The following FBH1 variants were observed in gnomAD, a reference collection of about 807,000 sequenced individuals.
FBH1 encodes DNA 3'-5' helicase 1.
In FBH1, 43 loss-of-function variants were observed where a neutral mutation model predicts 115.5. The observed-to-expected ratio is 0.37, with a 90% confidence interval of 0.29 to 0.48. FBH1 has a LOEUF of 0.48. Ranked by LOEUF, FBH1 falls within the 20% of genes least tolerant of loss-of-function variation. FBH1 has a pLI of 0.99. For synonymous variants in FBH1, 524 were observed against 507.8 expected, an observed-to-expected ratio of 1.03 and a Z score of -0.43; for missense variants, 1,001 against 1,337.3, an observed-to-expected ratio of 0.75 and a Z score of 3.92.
Position 5,900,649 on chromosome 10 carries a change from T to C in FBH1, c.2-2371T>C, listed in dbSNP as rs559939541. On this transcript the variant is annotated intron_variant, in intron 1 of 20. Transcript: ENST00000362091. This position sits in a 1 kb window ranked among gnomAD's most constrained non-coding sequence, Gnocchi z 4.2. ...GAAAAGTCTTAAAATATTCATGAAG[T>C]TTTTTTTTAAAAAAGCTGGTATTAA... Among the ~76,000 whole-genome samples, 5 of 151,034 alleles carry C rather than the reference T, an allele frequency of 3.3e-5. No individual in the cohort carries two copies. The East Asian group carries it at 9.9e-4, about 30-fold the overall frequency.
In FBH1 at chr10:5,909,162, C is replaced by T. The variant is rs199983854; in HGVS notation, c.888C>T (p.Tyr296=). 4.6e-4 allele frequency: 748 copies of T among 1,613,506 alleles called. 1 individual carries two copies. Among genetic ancestry groups the T allele is most frequent in the Non-Finnish European group, 5.7e-4 (669 of 1,179,954 alleles). ...CTCTCCTGTGAATGTCTTACAGATA[C>T]ACAGCCACCACTAAGTGCTCTCCGA... ...SDLCVLNLIR[Y]TATTKCSPSV... is the part of the protein sequence containing the mutation. The change falls in exon 5 of 21, where the codon TAC becomes TAT. Residue 296 remains tyrosine (Y), a synonymous_variant. Coordinates refer to ENST00000362091, the MANE Select transcript of FBH1 (RefSeq NM_178150.3). The surrounding 1 kb of genome is among the most constrained non-coding windows in gnomAD (Gnocchi z 4.4).
Position 5,895,304 on chromosome 10 carries a change from C to T in FBH1, c.1+4958C>T. 1 of 1,131,266 alleles carries T rather than the reference C, an allele frequency of 8.8e-7. No homozygotes were observed. Among genetic ancestry groups the T allele is most frequent in the Non-Finnish European group, 1.2e-6 (1 of 831,980 alleles). The allele number at this position is 1,131,266 out of a possible 1,614,324, so 70.1% of individuals were successfully genotyped here. The stretch of plus-strand genomic sequence containing the variant: ...GTTGGGTATGGTATTGTAGCAGTTT[C>T]TCCAGTCAGGTACCTTGTACTAGCG... On this transcript the variant is annotated intron_variant, in intron 1 of 20. Coordinates refer to ENST00000362091, the MANE Select transcript of FBH1 (RefSeq NM_178150.3). This position sits in a 1 kb window ranked among gnomAD's most constrained non-coding sequence, Gnocchi z 5.0.
intron 3 of FBH1, among the ~76,000 whole-genome samples, 159 bp from the exon 4 acceptor site, chr10:5,908,766 C>T (rs907329716): frequency 9.2e-5 from 14 of 152,088 alleles, no homozygotes; most frequent in Non-Finnish European, 1.5e-4. Flanking sequence ...GCCATCATGC[C>T]TGGCTAATTT....
intron 18 of FBH1, 23 bp from the exon 19 acceptor site, chr10:5,927,412 T>C: frequency 6.4e-7 from 1 of 1,566,692 alleles, no homozygotes; most frequent in Non-Finnish European, 8.7e-7. Context: ...TTAGTTGATT[T>C]TTTTCCCCTT....
Position 5,900,166 on chromosome 10 carries a change from A to G in FBH1, c.2-2854A>G, listed in dbSNP as rs1243665237. 6.6e-6 allele frequency among the ~76,000 whole-genome samples: 1 copy of G among 152,194 alleles called. No homozygotes were observed. Among genetic ancestry groups the G allele is most frequent in the Non-Finnish European group, 1.5e-5 (1 of 68,026 alleles). ...CTTTGCCATTAGGTGGCATCTTTAT[A>G]ATTTGAAGGATATTTCAATGTCTTA... On this transcript the variant is annotated intron_variant, in intron 1 of 20. Transcript: ENST00000362091. This position sits in a 1 kb window ranked among gnomAD's most constrained non-coding sequence, Gnocchi z 4.2.
At chr10:5,926,379 G>T (rs1404626885) in intron 18 of FBH1, among the ~76,000 whole-genome samples, 1 of 152,232 alleles carries the variant, frequency 6.6e-6, no homozygotes, top group Non-Finnish European at 1.5e-5. Context: ...CTCCCAAAGT[G>T]CTGGGATAAT....
intron 1 of FBH1, 31 bp from the exon 2 acceptor site, chr10:5,902,989 C>T (rs752234578): frequency 1.9e-6 from 3 of 1,574,100 alleles, no homozygotes; most frequent in South Asian, 2.3e-5. Context: ...TAATGAATAT[C>T]CCCTTTCTTC....
chr10:5,901,229 A>G (rs1021646518), intron 1 of FBH1, among the ~76,000 whole-genome samples: 1 of 152,032 alleles, frequency 6.6e-6, no homozygotes, highest in African/African-American at 2.4e-5. Context: ...CTGGAGTGCA[A>G]TGGTGCGACC....
chr10:5,931,598 A>G lies in FBH1; in HGVS notation c.2829+4057A>G, dbSNP rs935261609. ...TAAAAATAATATTCAAAATAATGCC[A>G]GTATTAATGGAATACTGACTGGACT... On this transcript the variant is annotated intron_variant, in intron 19 of 20. Coordinates refer to ENST00000362091, the MANE Select transcript of FBH1 (RefSeq NM_178150.3). This position sits in a 1 kb window ranked among gnomAD's most constrained non-coding sequence, Gnocchi z 4.3. Among the ~76,000 whole-genome samples, 8 of 152,266 alleles carry G rather than the reference A, an allele frequency of 5.3e-5. No homozygotes were observed. Among genetic ancestry groups the G allele is most frequent in the African/African-American group, 1.7e-4 (7 of 41,468 alleles).
Position 5,918,416 on chromosome 10 carries a change from T to A in FBH1, c.2038T>A (p.Phe680Ile), listed in dbSNP as rs1832106028. Reference sequence around the variant, plus strand: ...GGACCCGCACCAGCAGATCTATACCTTCCGGGGTGCGGTCAACGCCCTGTT... The same window carrying A: ...GGACCCGCACCAGCAGATCTATACCATCCGGGGTGCGGTCAACGCCCTGTT... ...VGDPHQQIYT[F>I]RGAVNALFTV... The change falls in exon 13 of 21, where the codon TTC becomes ATC. Residue 680 changes from phenylalanine to isoleucine, a missense_variant. Coordinates refer to ENST00000362091, the MANE Select transcript of FBH1 (RefSeq NM_178150.3). This position sits in a 1 kb window ranked among gnomAD's most constrained non-coding sequence, Gnocchi z 4.0. 1 of 1,612,894 alleles carries A rather than the reference T, an allele frequency of 6.2e-7. No homozygotes were observed. The highest frequency in any genetic ancestry group is 8.5e-7 in the Non-Finnish European group (1 of 1,179,748).
rs1373570272 is a variant in FBH1, at chr10:5,925,468, C to T, written c.2698C>T (p.Pro900Ser). The change falls in exon 18 of 21, where the codon CCC becomes TCC. Residue 900 changes from proline to serine, a missense_variant. Pro to Ser is a moderately conservative substitution (Grantham distance 74). This residue lies in a region of FBH1 where 521 missense variants were observed against 811.0 expected (regional missense o/e 0.64). Coordinates refer to ENST00000362091, the MANE Select transcript of FBH1 (RefSeq NM_178150.3). This position sits in a 1 kb window ranked among gnomAD's most constrained non-coding sequence, Gnocchi z 4.6. The part of the protein sequence containing the change: ...VKVPCARHNL[P>S]QLPHFRVESF... ...AGTGCCTTGTGCCCGGCATAACCTG[C>T]CCCAGCTTCCGCACTTCAGAGTTGG... 1.2e-6 allele frequency: 2 copies of T among 1,613,998 alleles called. No homozygotes were observed. The highest frequency in any genetic ancestry group is 2.7e-5 in the African/African-American group (2 of 74,926).
In FBH1 at chr10:5,923,877, AT is replaced by A; in HGVS notation, c.2398+186del. Reference sequence around the variant, plus strand: ...CTCCTGTTTTCATAGGTACTGACAGATTTTTCCAGATCCTCCTCACAGGAGC... The same window carrying A: ...CTCCTGTTTTCATAGGTACTGACAGATTTTCCAGATCCTCCTCACAGGAGC... On this transcript the variant is annotated intron_variant, in intron 16 of 20. Transcript: ENST00000362091. This position sits in a 1 kb window ranked among gnomAD's most constrained non-coding sequence, Gnocchi z 5.7. 1.7e-6 allele frequency: 1 copy of A among 598,980 alleles called. No individual in the cohort carries two copies. The allele number at this position is 598,980 out of a possible 1,614,324, so 37.1% of individuals were successfully genotyped here.
intron 19 of FBH1, chr10:5,929,432 T>C (rs1038749525): frequency 2.6e-5 from 4 of 152,224 alleles, no homozygotes; most frequent in Non-Finnish European, 4.4e-5. Context: ...TGAAATCTGA[T>C]GCATTTTTCC....
chr10:5,921,247 G>C lies in FBH1; in HGVS notation c.2101-11G>C. The C allele has an allele frequency of 1.9e-6, 3 of 1,613,670 alleles. No homozygotes were observed. Among genetic ancestry groups the C allele is most frequent in the Non-Finnish European group, 2.5e-6 (3 of 1,179,670 alleles). ...GCGGGCTGCTGACTCCCTCTGTCTTGTTGTTTTCAGAGTTTTCGGTTTGGT... is the reference window on the plus strand; with the variant it reads ...GCGGGCTGCTGACTCCCTCTGTCTTCTTGTTTTCAGAGTTTTCGGTTTGGT... On this transcript the variant is annotated splice_polypyrimidine_tract_variant and intron_variant, in intron 13 of 20. Transcript: ENST00000362091. This position sits in a 1 kb window ranked among gnomAD's most constrained non-coding sequence, Gnocchi z 6.4.
chr10:5,931,582 T>C lies in FBH1; in HGVS notation c.2829+4041T>C, dbSNP rs1433497476. Among the ~76,000 whole-genome samples, 3 of 152,368 alleles carry C rather than the reference T, an allele frequency of 2.0e-5. No individual in the cohort carries two copies. The highest frequency in any genetic ancestry group is 4.4e-5 in the Non-Finnish European group (3 of 68,040). ...TACTATTCTATGTATTTAAAAATAA[T>C]ATTCAAAATAATGCCAGTATTAATG... is the stretch of plus-strand genomic sequence containing the variant. On this transcript the variant is annotated intron_variant, in intron 19 of 20. Transcript: ENST00000362091. This position sits in a 1 kb window ranked among gnomAD's most constrained non-coding sequence, Gnocchi z 4.3.
At chr10:5,892,228 AGTC>A (rs1385279358) in intron 1 of FBH1, among the ~76,000 whole-genome samples, 1 of 152,132 alleles carries the variant, frequency 6.6e-6, no homozygotes, top group African/African-American at 2.4e-5. Context: ...CGTCACATGT[AGTC>A]GTCATTGGCA....
upstream of FBH1, chr10:5,890,234 G>C (rs951886620): frequency 5.6e-6 from 2 of 357,620 alleles, no homozygotes; most frequent in African/African-American, 2.2e-5. Flanking sequence ...CGGGCGTCTC[G>C]GGCTCCAGGT....
rs190553264 is a variant in FBH1 at position 5,917,952 on chromosome 10, G to A, written c.1963+276G>A. ...GACTCATGCTCTGTGGGAAGAGATCGTCCATTGACAGGGAAAAGCTTGTGT... is the reference window on the plus strand; with the variant it reads ...GACTCATGCTCTGTGGGAAGAGATCATCCATTGACAGGGAAAAGCTTGTGT... On this transcript the variant is annotated intron_variant, in intron 12 of 20. Coordinates refer to ENST00000362091, the MANE Select transcript of FBH1 (RefSeq NM_178150.3). The surrounding 1 kb of genome is among the most constrained non-coding windows in gnomAD (Gnocchi z 5.6). Among the ~76,000 whole-genome samples the A allele has an allele frequency of 2.0e-4, 30 of 152,308 alleles. No homozygotes were observed. In the East Asian group the frequency reaches 5.8e-3, roughly 29 times the overall value.
chr10:5,903,959 A>G (rs1843534794), intron 2 of FBH1, among the ~76,000 whole-genome samples: 1 of 152,158 alleles, frequency 6.6e-6, no homozygotes, highest in South Asian at 2.1e-4. Flanking sequence ...TGTCCCCACT[A>G]TGTACCAAAT....
Sources: gnomAD v4.1 joint callset for allele counts (sites outside exome capture counted in the v4.1 genomes callset) on GRCh38, gnomAD v4.1.1 for gene constraint, gnomAD v4.1.1 regional missense constraint, Gnocchi (gnomAD v3.1) non-coding constraint, MANE v1.5 for transcripts, NCBI Gene and HGNC (gene_info 2026-07-23, HGNC 2026-07-21) for gene names.